The following DNAJC6 variants were observed in gnomAD, a reference collection of about 807,000 sequenced individuals.
DNAJC6 encodes auxilin.
DNAJC6 carries 34 observed loss-of-function variants against 110.0 expected under a neutral mutation model. The ratio of observed to expected loss-of-function variants is 0.31; its 90% CI spans 0.24 to 0.41. The LOEUF is 0.41. Ranked by LOEUF, DNAJC6 falls within the 10% of genes least tolerant of loss-of-function variation. The pLI is 1.00. For synonymous variants in DNAJC6, 406 were observed against 437.2 expected, an observed-to-expected ratio of 0.93 and a Z score of 0.89; for missense variants, 1,031 against 1,207.8, an observed-to-expected ratio of 0.85 and a Z score of 2.17.
At chr1:65,400,267 G>T (rs990614655) in intron 14 of DNAJC6, among the ~76,000 whole-genome samples, 1 of 152,220 alleles carries the variant, frequency 6.6e-6, no homozygotes, top group African/African-American at 2.4e-5. Flanking sequence ...CATACACTGT[G>T]ATATGGTTAA....
intron 15 of DNAJC6, among the ~76,000 whole-genome samples, chr1:65,402,335 A>G (rs1176293311): frequency 6.6e-6 from 1 of 152,240 alleles, no homozygotes; most frequent in Non-Finnish European, 1.5e-5. Flanking sequence ...CTCTCCGGTC[A>G]ATTTGTAAAA....
intron 1 of DNAJC6, among the ~76,000 whole-genome samples, chr1:65,346,325 A>G (rs1240374220): frequency 6.6e-6 from 1 of 152,124 alleles, no homozygotes; most frequent in Non-Finnish European, 1.5e-5. Context: ...GGGGAAATCC[A>G]CTTGTCTCAG....
chr1:65,386,777 T>C (rs1440746009), intron 7 of DNAJC6, 35 bp from the exon 8 acceptor site: 2 of 1,551,148 alleles, frequency 1.3e-6, no homozygotes, highest in Non-Finnish European at 1.8e-6. Context: ...CAGATTGGAC[T>C]CTCTTTCAAT....
intron 5 of DNAJC6, 177 bp from the exon 6 acceptor site, chr1:65,384,016 T>C: frequency 1.8e-6 from 1 of 563,786 alleles, no homozygotes; most frequent in Non-Finnish European, 2.7e-6. Context: ...TTGCTGCCTT[T>C]GATTTAAAAA....
chr1:65,392,770 A>T lies in DNAJC6; in HGVS notation c.1808A>T (p.Asp603Val), dbSNP rs1267789315. 12 of 1,611,412 alleles carry T rather than the reference A, an allele frequency of 7.4e-6. No homozygotes were observed. The highest frequency in any genetic ancestry group is 1.0e-5 in the Non-Finnish European group (12 of 1,178,750). ...PTQAGQSGVE[D>V]VFHPSGPAST... ...CAGGCTGGACAGTCAGGAGTGGAAGATGTGTTTCATCCTAGTGGACCTGCG... is the reference window on the plus strand; with the variant it reads ...CAGGCTGGACAGTCAGGAGTGGAAGTTGTGTTTCATCCTAGTGGACCTGCG... The change falls in exon 12 of 19, where the codon GAT (aspartate) becomes GTT (valine). Residue 603 changes from aspartate to valine, a missense_variant. Physicochemically the swap from Asp to Val is radical, Grantham distance 152. Transcript: ENST00000371069.
chr1:65,266,831 C>G (rs1478980133), intron 1 of DNAJC6, among the ~76,000 whole-genome samples: 3 of 151,828 alleles, frequency 2.0e-5, no homozygotes, highest in African/African-American at 7.3e-5. Context: ...CTCCTGGTTT[C>G]TCAGTGTATC....
intron 1 of DNAJC6, among the ~76,000 whole-genome samples, chr1:65,354,603 T>C (rs191729629): frequency 3.5e-4 from 53 of 152,300 alleles, no homozygotes; most frequent in Non-Finnish European, 5.9e-4. Flanking sequence ...GCTTGGGAAA[T>C]AGCTGAGCCA....
intron 1 of DNAJC6, among the ~76,000 whole-genome samples, chr1:65,301,881 G>A (rs148709178): frequency 8.5e-4 from 129 of 151,792 alleles, no homozygotes; most frequent in Non-Finnish European, 1.3e-3. Flanking sequence ...TTCCCCCAGG[G>A]ATGGGGCAGG....
chr1:65,280,342 A>G (rs764450367), intron 1 of DNAJC6, among the ~76,000 whole-genome samples: 94 of 152,150 alleles, frequency 6.2e-4, no homozygotes, highest in Non-Finnish European at 1.2e-3. Flanking sequence ...TTTTCACTTA[A>G]TATGACGGCC....
chr1:65,309,360 C>T (rs906634126), upstream of DNAJC6, among the ~76,000 whole-genome samples: 3 of 151,850 alleles, frequency 2.0e-5, no homozygotes, highest in Non-Finnish European at 4.4e-5. Context: ...TGGCGCTGCC[C>T]TGCTGCGCGG....
At chr1:65,329,970 T>C (rs1031571262) in intron 1 of DNAJC6, among the ~76,000 whole-genome samples, 1 of 152,242 alleles carries the variant, frequency 6.6e-6, no homozygotes, top group African/African-American at 2.4e-5. Flanking sequence ...TCCCTCATGC[T>C]GTACCTAAAA....
chr1:65,408,799 G>T lies in DNAJC6; in HGVS notation c.2634+16G>T. On this transcript the variant is annotated intron_variant, in intron 17 of 18. Transcript: ENST00000371069. The stretch of plus-strand genomic sequence containing the variant: ...GAAATTAAAGGTGAGTGAGGCCCCT[G>T]ACGCAGCTTGATTATCCTATATGAC... 1.2e-6 allele frequency: 2 copies of T among 1,610,270 alleles called. No homozygotes were observed. Among genetic ancestry groups the T allele is most frequent in the Non-Finnish European group, 1.7e-6 (2 of 1,178,874 alleles).
chr1:65,309,832 T>C lies in DNAJC6; in HGVS notation c.87T>C (p.Ser29=), dbSNP rs1354727866. Residue 29 remains serine, a synonymous_variant, in exon 1 of 19, where the codon AGT becomes AGC. Transcript: ENST00000371069. The part of the protein sequence containing the change: ...LQLVDSNGDL[S]AGSGGVGGKQ... ...TGGTGGACAGTAACGGGGACTTAAGTGCGGGAAGCGGCGGGGTTGGCGGCA... is the reference window on the plus strand; with the variant it reads ...TGGTGGACAGTAACGGGGACTTAAGCGCGGGAAGCGGCGGGGTTGGCGGCA... 6.5e-7 allele frequency: 1 copy of C among 1,549,020 alleles called. No homozygotes were observed. The highest frequency in any genetic ancestry group is 1.2e-5 in the South Asian group (1 of 84,034).
intron 1 of DNAJC6, among the ~76,000 whole-genome samples, chr1:65,352,196 C>T (rs530605341): frequency 6.6e-6 from 1 of 152,234 alleles, no homozygotes; most frequent in East Asian, 1.9e-4. Context: ...CCATTTGAGG[C>T]ATAGGGATAC....
intron 1 of DNAJC6, among the ~76,000 whole-genome samples, chr1:65,350,601 T>G (rs1367221937): frequency 1.3e-5 from 2 of 152,224 alleles, no homozygotes; most frequent in African/African-American, 4.8e-5. Flanking sequence ...TGTTAAATTT[T>G]ATTCTGGAAG....
intron 1 of DNAJC6, among the ~76,000 whole-genome samples, chr1:65,344,323 T>G (rs188374122): frequency 1.4e-4 from 21 of 152,330 alleles, no homozygotes; most frequent in Non-Finnish European, 2.8e-4. Context: ...ATGTGTGTAT[T>G]TCATTCTTAA....
intron 14 of DNAJC6, among the ~76,000 whole-genome samples, chr1:65,401,162 G>A (rs1646026793): frequency 1.3e-5 from 2 of 152,042 alleles, no homozygotes; most frequent in Admixed American, 6.6e-5. Flanking sequence ...TAATTCCATA[G>A]TTTTGGGTCT....
At position 65,309,899 on chromosome 1, in the gene DNAJC6, C is replaced by A. The variant is rs547312338; in HGVS notation, c.154C>A (p.Arg52=). The A allele has an allele frequency of 1.3e-6, 2 of 1,539,958 alleles. No homozygotes were observed. The highest frequency in any genetic ancestry group is 2.5e-5 in the East Asian group (1 of 39,930). Reference sequence around the variant, plus strand: ...CGGGGCAGCGGCGCGGAGTCCCGCCCGACAGCCTCCGGACCGCGCCAGCAC... The same window carrying A: ...CGGGGCAGCGGCGCGGAGTCCCGCCAGACAGCCTCCGGACCGCGCCAGCAC... ...NAGAAARSPA[R]QPPDRASTMD... Residue 52 remains arginine (R), a synonymous_variant, in exon 1 of 19, where the codon CGA becomes AGA. Coordinates refer to ENST00000371069, the MANE Select transcript of DNAJC6 (RefSeq NM_001256864.2).
At position 65,345,755 on chromosome 1, in the gene DNAJC6, G is replaced by A. The variant is rs922238740; in HGVS notation, c.194-18880G>A. 3 of 865,928 alleles carry A rather than the reference G, an allele frequency of 3.5e-6. No individual in the cohort carries two copies. In the African/African-American group the frequency reaches 5.5e-5, roughly 16 times the overall value. 53.6% of individuals were successfully genotyped at this position (865,928 alleles called of 1,614,324 possible). A position where few individuals can be genotyped will look rare whatever the true frequency, so the allele number is the denominator to read the frequency against. ...GTGTACTTTTGGCCTTTGGGATTTAGCCCATGTCTTCTGTATGTAGAGTGC... is the reference window on the plus strand; with the variant it reads ...GTGTACTTTTGGCCTTTGGGATTTAACCCATGTCTTCTGTATGTAGAGTGC... On this transcript the variant is annotated intron_variant, in intron 1 of 18. Transcript: ENST00000371069.
Sources: gnomAD v4.1 joint callset for allele counts (sites outside exome capture counted in the v4.1 genomes callset) on GRCh38, gnomAD v4.1.1 for gene constraint, MANE v1.5 for transcripts, NCBI Gene and HGNC (gene_info 2026-07-23, HGNC 2026-07-21) for gene names.